The following MTCL1 variants were observed in gnomAD, a reference collection of about 807,000 sequenced individuals.
MTCL1 encodes microtubule crosslinking factor 1, also known as microtubule cross-linking factor 1.
A neutral mutation model predicts 141.4 loss-of-function variants in MTCL1; 79 were observed. That is an observed-to-expected ratio of 0.56 (90% CI 0.47 to 0.67). MTCL1 has a LOEUF of 0.67. MTCL1 is among the 30% of genes least tolerant of loss of function. The probability of loss-of-function intolerance (pLI) is 0.00; values close to 1 mark genes in which losing one functional copy is unlikely to be tolerated. For synonymous variants in MTCL1, 914 were observed against 875.8 expected, an observed-to-expected ratio of 1.04 and a Z score of -0.77; for missense variants, 2,177 against 2,113.9, an observed-to-expected ratio of 1.03 and a Z score of -0.59.
At chr18:8,831,861 C>T (rs2077203198) in exon 17 of MTCL1, 1 of 1,532,230 alleles carries the variant, frequency 6.5e-7, no homozygotes, top group African/African-American at 1.4e-5. Flanking sequence ...CACACCATCA[C>T]CATGAACAAA....
At chr18:8,721,274 G>A (rs61050548) in intron 4 of MTCL1, among the ~76,000 whole-genome samples, 5 of 152,214 alleles carry the variant, frequency 3.3e-5, no homozygotes, top group East Asian at 1.9e-4. Flanking sequence ...CTTGCTTAGC[G>A]GCTCATTTTT....
intron 4 of MTCL1, among the ~76,000 whole-genome samples, chr18:8,760,139 G>A (rs957943353): frequency 8.5e-5 from 13 of 152,194 alleles, no homozygotes; most frequent in African/African-American, 1.4e-4. Flanking sequence ...TCTGGAACGC[G>A]AGAGCGGTCA....
At chr18:8,705,609 C>CCGCCGCCGTCGT, upstream of MTCL1, 1 of 1,191,246 alleles carries the variant, frequency 8.4e-7, no homozygotes, top group South Asian at 4.0e-5. This position sits in a 1 kb window ranked among gnomAD's most constrained non-coding sequence, Gnocchi z 5.2. Context: ...GCCGCCGCCG[C>CCGCCGCCGTCGT]CGTCGTCGTC....
intron 4 of MTCL1, among the ~76,000 whole-genome samples, chr18:8,762,722 A>T (rs141792732): frequency 5.3e-5 from 8 of 152,344 alleles, no homozygotes; most frequent in Admixed American, 1.3e-4. Flanking sequence ...ACAAGAAGAC[A>T]TCGGCACACA....
At chr18:8,719,279 T>G (rs377498146) in intron 3 of MTCL1, among the ~76,000 whole-genome samples, 1 of 152,262 alleles carries the variant, frequency 6.6e-6, no homozygotes, top group Non-Finnish European at 1.5e-5. Flanking sequence ...TTATGCATAC[T>G]GTTCTCTTTA....
exon 5 of MTCL1, chr18:8,777,887 A>G: frequency 1.2e-6 from 2 of 1,613,652 alleles, no homozygotes; most frequent in East Asian, 4.5e-5. Context: ...GAAAACCTTT[A>G]ACCAGGTAAG....
intron 1 of MTCL1, among the ~76,000 whole-genome samples, 151 bp downstream of exon 1, chr18:8,706,864 A>G (rs62085573): frequency 0.073 from 11,096 of 152,206 alleles, 467 homozygotes; most frequent in Middle Eastern, 0.16. Flanking sequence ...GGCATTGGCA[A>G]CTTAAGCCCA....
intron 11 of MTCL1, among the ~76,000 whole-genome samples, chr18:8,811,519 T>TTATA (rs1555671020): frequency 2.0e-5 from 3 of 149,546 alleles, no homozygotes; most frequent in East Asian, 2.0e-4. Context: ...TCATTAATCT[T>TTATA]TATATATATA....
intron 16 of MTCL1, 35 bp from the exon 15 acceptor site, chr18:8,831,572 C>T (rs1178550744): frequency 9.7e-6 from 15 of 1,542,262 alleles, no homozygotes; most frequent in Non-Finnish European, 1.2e-5. Flanking sequence ...CACTGCCGGT[C>T]TGAGTAACCC....
intron 9 of MTCL1, among the ~76,000 whole-genome samples, chr18:8,797,182 C>T (rs1037192642): frequency 6.6e-6 from 1 of 152,226 alleles, no homozygotes; most frequent in African/African-American, 2.4e-5. Flanking sequence ...CTCATTCAAC[C>T]TTGCTGGTGT....
At chr18:8,735,028 T>G (rs1199313945) in intron 4 of MTCL1, among the ~76,000 whole-genome samples, 2 of 152,328 alleles carry the variant, frequency 1.3e-5, no homozygotes, top group African/African-American at 4.8e-5. Flanking sequence ...CGGAGTCACT[T>G]GTTTGGACAA....
exon 15 of MTCL1, chr18:8,825,072 T>G (rs1480084506): frequency 5.0e-6 from 8 of 1,612,062 alleles, no homozygotes; most frequent in African/African-American, 1.3e-5. Context: ...CACCGAGCAG[T>G]CGGGGTTGCG....
At chr18:8,826,617 G>C (rs1057105022) in intron 15 of MTCL1, among the ~76,000 whole-genome samples, 3 of 152,168 alleles carry the variant, frequency 2.0e-5, no homozygotes, top group African/African-American at 7.2e-5. Flanking sequence ...GCATACTGCA[G>C]ACCTTCATAT....
chr18:8,807,813 C>T (rs930938451), intron 11 of MTCL1, among the ~76,000 whole-genome samples: 15 of 152,128 alleles, frequency 9.9e-5, no homozygotes, highest in Admixed American at 2.6e-4. Context: ...TTTCTTCCAG[C>T]CCCTTGATCA....
At position 8,739,712 on chromosome 18, in the gene MTCL1, G is replaced by C. The variant is rs987546077; in HGVS notation, c.357+19216G>C. Among the ~76,000 whole-genome samples the C allele has an allele frequency of 5.7e-5, 8 of 139,546 alleles. No homozygotes were observed. The South Asian group carries it at 1.5e-3, about 27-fold the overall frequency. 91.5% of individuals were successfully genotyped at this position (139,546 alleles called of 152,430 possible). ...CTGCCACAAATATCTGCATTAAGGA[G>C]ATTGTTTTGTTTGTTTGTTTGTTCG... On this transcript the variant is annotated intron_variant, in intron 4 of 16. Coordinates refer to ENST00000359865, the Ensembl canonical transcript of MTCL1.
intron 7 of MTCL1, chr18:8,787,342 G>T (rs984721738): frequency 1.3e-5 from 2 of 152,338 alleles, no homozygotes; most frequent in African/African-American, 4.8e-5. Context: ...CTCTCATTCT[G>T]CGGATGAGAA....
chr18:8,793,116 A>G (rs769750312), exon 8 of MTCL1: 24 of 1,613,620 alleles, frequency 1.5e-5, no homozygotes, highest in Admixed American at 1.2e-4. Flanking sequence ...AACAAGATCC[A>G]TAAGGTAAAT....
chr18:8,731,693 A>G (rs901133803), intron 4 of MTCL1, among the ~76,000 whole-genome samples: 1 of 151,016 alleles, frequency 6.6e-6, no homozygotes, highest in Non-Finnish European at 1.5e-5. Context: ...AAAAATAGAA[A>G]CTACTGCTCT....
At chr18:8,761,076 G>A (rs540556747) in intron 4 of MTCL1, among the ~76,000 whole-genome samples, 1 of 152,288 alleles carries the variant, frequency 6.6e-6, no homozygotes, top group Non-Finnish European at 1.5e-5. Context: ...TTTAAAGGCT[G>A]CCCTCACAAA....
Sources: allele counts gnomAD v4.1 joint callset (sites outside exome capture counted in the v4.1 genomes callset), GRCh38; gene constraint gnomAD v4.1.1; non-coding constraint Gnocchi (gnomAD v3.1); transcripts MANE v1.5; gene names NCBI Gene and HGNC (gene_info 2026-07-23, HGNC 2026-07-21).